ST18: variants seen among roughly 807,000 people sequenced by gnomAD.
ST18 encodes the protein ST18 C2H2C-type zinc finger transcription factor.
Under a neutral mutation model 110.0 loss-of-function variants are expected in ST18, and 50 were observed. That is an observed-to-expected ratio of 0.45 (90% CI 0.36 to 0.58). The LOEUF is 0.58. Ranked by LOEUF, ST18 falls within the 20% of genes least tolerant of loss-of-function variation. ST18 has a pLI of 0.00. For synonymous variants in ST18, 461 were observed against 452.4 expected (o/e 1.02, Z -0.24); for missense variants, 1,306 against 1,280.1 (o/e 1.02, Z -0.31).
intron 2 of ST18, among the ~76,000 whole-genome samples, chr8:52,304,301 A>C (rs1039955547): frequency 3.9e-5 from 6 of 152,202 alleles, no homozygotes; most frequent in Non-Finnish European, 8.8e-5. Context: ...AATAGAGTAA[A>C]TCTGAAAAAG....
intron 8 of ST18, among the ~76,000 whole-genome samples, chr8:52,193,227 A>G (rs1465570445): frequency 6.6e-6 from 1 of 152,224 alleles, no homozygotes; most frequent in Non-Finnish European, 1.5e-5. Context: ...GCAAGTATAA[A>G]AGGATTCAAG....
intron 8 of ST18, 110 bp from the exon 9 acceptor site, chr8:52,180,422 G>A: frequency 8.2e-7 from 1 of 1,218,280 alleles, no homozygotes; most frequent in East Asian, 2.4e-5. Flanking sequence ...GGGACTAGAG[G>A]TTTAGGGTTG....
At chr8:52,315,545 AT>A (rs772549489) in intron 2 of ST18, among the ~76,000 whole-genome samples, 4 of 152,202 alleles carry the variant, frequency 2.6e-5, no homozygotes, top group Non-Finnish European at 5.9e-5. Context: ...TATCTTCTGT[AT>A]TCTCTTTAAT....
In ST18 at chr8:52,396,383, C is replaced by T. The variant is rs79565652; in HGVS notation, c.-465+12945G>A. On this transcript the variant is annotated intron_variant, in intron 2 of 25. Coordinates refer to ENST00000689386, the MANE Select transcript of ST18 (RefSeq NM_001352837.2). ...TACATAAATATTTTTCTTTCTGTGT[C>T]TGGCTTACTTCACTTAGCATAATGT... Among the ~76,000 whole-genome samples, 680 of 152,138 alleles carry T rather than the reference C, an allele frequency of 4.5e-3. 5 individuals carry two copies. The highest frequency in any genetic ancestry group is 0.016 in the African/African-American group (657 of 41,494).
At chr8:52,376,222 A>G (rs13263915) in intron 2 of ST18, among the ~76,000 whole-genome samples, 114,750 of 152,114 alleles carry the variant, frequency 0.75, 48,208 homozygotes, top group Non-Finnish European at 0.93. Context: ...ACACTCTTAC[A>G]GTGACCTCTA....
At chr8:52,156,659 G>T (rs949041110) in intron 15 of ST18, among the ~76,000 whole-genome samples, 23 of 152,180 alleles carry the variant, frequency 1.5e-4, no homozygotes, top group Non-Finnish European at 2.4e-4. Flanking sequence ...GAATAAATGA[G>T]ATTCTCTTCA....
chr8:52,166,551 C>T (rs542947970), intron 11 of ST18, among the ~76,000 whole-genome samples: 3 of 152,294 alleles, frequency 2.0e-5, no homozygotes, highest in African/African-American at 7.2e-5. Flanking sequence ...TCCCTCTACC[C>T]CTGAACTCCC....
intron 24 of ST18, among the ~76,000 whole-genome samples, chr8:52,117,591 C>T (rs2043004996): frequency 6.6e-6 from 1 of 152,178 alleles, no homozygotes; most frequent in South Asian, 2.1e-4. Flanking sequence ...ACAATGGTCA[C>T]TCTGGGTAAG....
At chr8:52,296,101 T>C (rs1337610959) in intron 2 of ST18, among the ~76,000 whole-genome samples, 1 of 152,152 alleles carries the variant, frequency 6.6e-6, no homozygotes, top group East Asian at 1.9e-4. Context: ...CTTGGCGTCA[T>C]TTTGTTTTAA....
chr8:52,398,939 A>G (rs540664911), intron 2 of ST18, among the ~76,000 whole-genome samples: 1 of 152,086 alleles, frequency 6.6e-6, no homozygotes, highest in Non-Finnish European at 1.5e-5. Flanking sequence ...GTATCAAGGT[A>G]ATAATGCCCT....
chr8:52,201,937 A>C (rs1042308455), intron 8 of ST18, among the ~76,000 whole-genome samples: 1 of 152,224 alleles, frequency 6.6e-6, no homozygotes, highest in Non-Finnish European at 1.5e-5. Flanking sequence ...TTGATAAAAT[A>C]TACTTATAAA....
chr8:52,314,698 A>C lies in ST18; in HGVS notation c.-464-84621T>G, dbSNP rs553523778. Among the ~76,000 whole-genome samples, 3 of 152,274 alleles carry C rather than the reference A, an allele frequency of 2.0e-5. No individual in the cohort carries two copies. The South Asian group carries it at 6.2e-4, about 32-fold the overall frequency. ...CCAACCATGGCCTCCATCATTCTTCAGGCCCATCTTCCCCTAGAACCCTCC... is the reference window on the plus strand; with the variant it reads ...CCAACCATGGCCTCCATCATTCTTCCGGCCCATCTTCCCCTAGAACCCTCC... On this transcript the variant is annotated intron_variant, in intron 2 of 25. Transcript: ENST00000689386.
intron 17 of ST18, among the ~76,000 whole-genome samples, chr8:52,141,969 A>G (rs1038762471): frequency 1.6e-4 from 24 of 152,174 alleles, no homozygotes; most frequent in African/African-American, 5.8e-4. Flanking sequence ...TGAGTCTAGA[A>G]GGGCTAGCAG....
chr8:52,312,931 T>C (rs538855219), intron 2 of ST18, among the ~76,000 whole-genome samples: 2 of 152,320 alleles, frequency 1.3e-5, no homozygotes, highest in East Asian at 3.9e-4. Context: ...AAGGGCATGC[T>C]GTCCACATCT....
intron 2 of ST18, among the ~76,000 whole-genome samples, chr8:52,348,576 A>C (rs1004006077): frequency 1.3e-5 from 2 of 152,080 alleles, no homozygotes; most frequent in African/African-American, 4.8e-5. Flanking sequence ...GAAACCCTCT[A>C]TCTACTAAAA....
rs747280163 is a variant in ST18, at chr8:52,212,084, C to G, written c.81G>C (p.Glu27Asp). 29 of 1,605,276 alleles carry G rather than the reference C, an allele frequency of 1.8e-5. No homozygotes were observed. In the East Asian group the frequency reaches 6.0e-4, roughly 33 times the overall value. The change falls in exon 8 of 26, where the codon GAG becomes GAC. Residue 27 changes from glutamate (E) to aspartate (D), a missense_variant. By Grantham distance (45) the Glu-to-Asp change is conservative. Transcript: ENST00000689386. The stretch of plus-strand genomic sequence containing the variant: ...TAATATAGGGTAAATCTTACCTGAG[C>G]TCCTGGATTAGTGAATCCATTGGCA... ...TEVPMDSLIQELSVAYDCSMA... is the reference protein window; with the variant it reads ...TEVPMDSLIQDLSVAYDCSMA...
chr8:52,351,256 A>G lies in ST18; in HGVS notation c.-465+58072T>C, dbSNP rs1487322162. ...CAGCATCTGATGAGATGAGAAAACA[A>G]CAAACTCCTGTTTCAAGTGACACTT... On this transcript the variant is annotated intron_variant, in intron 2 of 25. Coordinates refer to ENST00000689386, the MANE Select transcript of ST18 (RefSeq NM_001352837.2). Among the ~76,000 whole-genome samples the G allele has an allele frequency of 3.3e-5, 5 of 152,342 alleles. No individual in the cohort carries two copies. In the East Asian group the frequency reaches 7.7e-4, roughly 24 times the overall value.
At chr8:52,291,510 G>A (rs2095555796) in intron 2 of ST18, among the ~76,000 whole-genome samples, 1 of 152,168 alleles carries the variant, frequency 6.6e-6, no homozygotes, top group Admixed American at 6.5e-5. Context: ...TTTCTCTTTT[G>A]CAGAACCAAT....
chr8:52,141,706 A>G (rs997168875), intron 17 of ST18, among the ~76,000 whole-genome samples: 2 of 152,204 alleles, frequency 1.3e-5, no homozygotes, highest in Admixed American at 1.3e-4. Flanking sequence ...CCTTGGGGAC[A>G]GCATTCTGGG....
Sources: allele counts gnomAD v4.1 joint callset (sites outside exome capture counted in the v4.1 genomes callset), GRCh38; gene constraint gnomAD v4.1.1; transcripts MANE v1.5; gene names NCBI Gene and HGNC (gene_info 2026-07-23, HGNC 2026-07-21).